The following IL34 variants were observed in gnomAD, a reference collection of about 807,000 sequenced individuals.
IL34 encodes the protein interleukin 34, also known as interleukin-34.
IL34 carries 17 observed loss-of-function variants against 25.3 expected under a neutral mutation model. That is an observed-to-expected ratio of 0.67 (90% CI 0.46 to 1.01). The LOEUF is 1.01. Ranked by LOEUF, IL34 falls within the 50% of genes least tolerant of loss-of-function variation. The pLI is 0.00. For missense variants in IL34, 368 were observed against 312.9 expected (o/e 1.18, Z -1.33); for synonymous variants, 174 against 140.9 (o/e 1.23, Z -1.66).
At position 70,660,160 on chromosome 16, in the gene IL34, G is replaced by T; in HGVS notation, c.702G>T (p.Arg234Ser). 6.2e-7 allele frequency: 1 copy of T among 1,602,438 alleles called. No homozygotes were observed. Among genetic ancestry groups the T allele is most frequent in the Non-Finnish European group, 8.5e-7 (1 of 1,175,166 alleles). ...PHSTGSVRPV[R>S]AQGEGLLP is the part of the protein sequence containing the mutation. ...CCACGGGCTCGGTGAGGCCGGTCAG[G>T]GCACAGGGCGAGGGCCTCTTGCCCT... The change falls in exon 6 of 6, where the codon AGG (arginine) becomes AGT (serine). Residue 234 changes from arginine (R) to serine (S), a missense_variant. Coordinates refer to ENST00000288098, the MANE Select transcript of IL34 (RefSeq NM_001393494.1).
upstream of IL34, among the ~76,000 whole-genome samples, chr16:70,644,983 TAGGAGGA>T (rs1428991154): frequency 4.6e-5 from 3 of 64,566 alleles, no homozygotes; most frequent in South Asian, 5.0e-4. Context: ...AGAAAGGGAG[TAGGAGGA>T]AGGAGGAAGA....
intron 1 of IL34, among the ~76,000 whole-genome samples, chr16:70,605,587 G>C (rs866630310): frequency 6.6e-6 from 1 of 152,010 alleles, no homozygotes; most frequent in Admixed American, 6.6e-5. Context: ...AGATACCTCA[G>C]TTTATAAGCA....
chr16:70,628,586 A>C (rs1437040861), intron 1 of IL34, among the ~76,000 whole-genome samples: 1 of 151,460 alleles, frequency 6.6e-6, no homozygotes, highest in Non-Finnish European at 1.5e-5. Context: ...TCGCGGGTTC[A>C]AGCGATTCTC....
chr16:70,639,825 G>C (rs1011976880), intron 1 of IL34, among the ~76,000 whole-genome samples: 1 of 152,070 alleles, frequency 6.6e-6, no homozygotes. Flanking sequence ...AGGTGTGGTG[G>C]TGCATGCCTG....
chr16:70,613,369 G>C (rs2051120358), intron 1 of IL34, among the ~76,000 whole-genome samples: 1 of 152,172 alleles, frequency 6.6e-6, no homozygotes, highest in South Asian at 2.1e-4. Context: ...GGTTGGAGCG[G>C]GGCGGTTTCC....
At chr16:70,581,231 AATGCACATAAACCAAC>A (rs1025505696) in intron 1 of IL34, among the ~76,000 whole-genome samples, 19 of 152,188 alleles carry the variant, frequency 1.2e-4, no homozygotes, top group Non-Finnish European at 2.4e-4. Flanking sequence ...CTTACTTTTA[AATGCACATAAACCAAC>A]TAACTAGATG....
At chr16:70,653,824 T>C (rs2052142822) in intron 1 of IL34, among the ~76,000 whole-genome samples, 1 of 152,240 alleles carries the variant, frequency 6.6e-6, no homozygotes, top group Non-Finnish European at 1.5e-5. Flanking sequence ...TATTCATATT[T>C]GTTGCGAATT....
At chr16:70,637,533 G>A (rs1045886965) in intron 1 of IL34, among the ~76,000 whole-genome samples, 1 of 151,902 alleles carries the variant, frequency 6.6e-6, no homozygotes, top group Non-Finnish European at 1.5e-5. Flanking sequence ...TAGTAGAGAC[G>A]GGGTTTTACC....
At chr16:70,615,890 T>C (rs992522468) in intron 1 of IL34, among the ~76,000 whole-genome samples, 1 of 151,818 alleles carries the variant, frequency 6.6e-6, no homozygotes, top group South Asian at 2.1e-4. Context: ...GCAGTGGAGG[T>C]TGTGGCAAGC....
intron 3 of IL34, 28 bp downstream of exon 3, chr16:70,656,707 AC>A: frequency 9.0e-7 from 1 of 1,108,446 alleles, no homozygotes; most frequent in Middle Eastern, 2.0e-4. Flanking sequence ...GGCTGGGGGG[AC>A]CCTGCCTCCT....
intron 4 of IL34, chr16:70,657,330 C>T: frequency 1.7e-6 from 1 of 577,564 alleles, no homozygotes; most frequent in South Asian, 2.1e-5. Flanking sequence ...GAGAGCCGGG[C>T]TCGGGGTGCA....
intron 1 of IL34, among the ~76,000 whole-genome samples, chr16:70,600,817 G>A (rs1173836362): frequency 1.4e-5 from 2 of 144,998 alleles, no homozygotes; most frequent in Non-Finnish European, 2.9e-5. Flanking sequence ...TGGGAGAAAT[G>A]AGGAGATGCT....
intron 1 of IL34, among the ~76,000 whole-genome samples, chr16:70,598,540 A>G (rs1597738887): frequency 6.6e-6 from 1 of 152,046 alleles, no homozygotes; most frequent in Non-Finnish European, 1.5e-5. Flanking sequence ...AGAGTTTGAG[A>G]CCAGCCTGGC....
intron 1 of IL34, among the ~76,000 whole-genome samples, chr16:70,613,374 G>T (rs1003401783): frequency 6.6e-6 from 1 of 152,186 alleles, no homozygotes; most frequent in Non-Finnish European, 1.5e-5. Context: ...GAGCGGGGCG[G>T]TTTCCTGAGG....
chr16:70,611,942 T>C (rs911313053), intron 1 of IL34, among the ~76,000 whole-genome samples: 4 of 152,116 alleles, frequency 2.6e-5, no homozygotes, highest in African/African-American at 9.7e-5. Context: ...GATTGGAGGA[T>C]TGCCTGAGCC....
At chr16:70,630,550 C>T (rs1029641922) in intron 1 of IL34, among the ~76,000 whole-genome samples, 6 of 151,288 alleles carry the variant, frequency 4.0e-5, no homozygotes, top group Non-Finnish European at 8.8e-5. Context: ...CCCCTCCTCT[C>T]CCCTCCCCTC....
At chr16:70,629,136 C>G (rs1443496902) in intron 1 of IL34, among the ~76,000 whole-genome samples, 2 of 152,096 alleles carry the variant, frequency 1.3e-5, no homozygotes, top group South Asian at 2.1e-4. Context: ...TTATAATCAT[C>G]TCATGTACAA....
chr16:70,639,888 G>A (rs1567458286), intron 1 of IL34, among the ~76,000 whole-genome samples: 1 of 151,926 alleles, frequency 6.6e-6, no homozygotes, highest in Non-Finnish European at 1.5e-5. Context: ...AGCCCAAGAG[G>A]TAGAGGCTTC....
At chr16:70,633,309 A>G (rs2051561678) in intron 1 of IL34, among the ~76,000 whole-genome samples, 1 of 151,140 alleles carries the variant, frequency 6.6e-6, no homozygotes, top group Non-Finnish European at 1.5e-5. Context: ...GCTGGAGTGC[A>G]GTGACAGGAT....
Sources: gnomAD v4.1 joint callset for allele counts (sites outside exome capture counted in the v4.1 genomes callset) on GRCh38, gnomAD v4.1.1 for gene constraint, MANE v1.5 for transcripts, NCBI Gene and HGNC (gene_info 2026-07-23, HGNC 2026-07-21) for gene names.